Variants in LRRFIP1 observed in about 807,000 individuals in gnomAD.
The protein encoded by LRRFIP1 is leucine-rich repeat flightless-interacting protein 1.
A neutral mutation model predicts 104.4 loss-of-function variants in LRRFIP1; 62 were observed. That is an observed-to-expected ratio of 0.59 (90% CI 0.48 to 0.73). LRRFIP1 has a LOEUF of 0.73. LRRFIP1 is among the 30% of genes least tolerant of loss of function. The pLI is 0.00. For missense variants in LRRFIP1, 796 were observed against 824.5 expected (o/e 0.97, Z 0.42); for synonymous variants, 300 against 299.0 (o/e 1.00, Z -0.03).
intron 20 of LRRFIP1, among the ~76,000 whole-genome samples, chr2:237,771,620 A>G (rs2060656603): frequency 7.6e-6 from 1 of 130,878 alleles, no homozygotes; most frequent in South Asian, 2.6e-4. Flanking sequence ...GAGAGGGGAA[A>G]GCTAGCTAGA....
chr2:237,668,948 CTTTTT>C (rs769425450), intron 1 of LRRFIP1, among the ~76,000 whole-genome samples: 1 of 151,970 alleles, frequency 6.6e-6, no homozygotes, highest in Non-Finnish European at 1.5e-5. Context: ...TTATCTGTGA[CTTTTT>C]TTTAACATAG....
Position 237,735,239 on chromosome 2 carries a change from C to G in LRRFIP1, c.490-29C>G. 1.3e-6 allele frequency: 2 copies of G among 1,599,488 alleles called. No individual in the cohort carries two copies. The highest frequency in any genetic ancestry group is 1.7e-6 in the Non-Finnish European group (2 of 1,169,244). ...GGCACTCTTGGAGAAAGGAAGAGCG[C>G]CCATCCTGACAGTCTCTTTTGGTCG... On this transcript the variant is annotated intron_variant, in intron 9 of 23. Coordinates refer to ENST00000308482, the MANE Select transcript of LRRFIP1 (RefSeq NM_001137550.2). The surrounding 1 kb of genome is among the most constrained non-coding windows in gnomAD (Gnocchi z 4.6).
At chr2:237,673,825 G>A (rs760574935) in intron 1 of LRRFIP1, among the ~76,000 whole-genome samples, 5 of 152,144 alleles carry the variant, frequency 3.3e-5, no homozygotes, top group South Asian at 4.1e-4. Flanking sequence ...AAGCTGACTC[G>A]ATGACGGGCG....
intron 2 of LRRFIP1, 145 bp from the exon 3 acceptor site, chr2:237,714,114 A>T (rs2094226597): frequency 1.8e-6 from 1 of 551,470 alleles, no homozygotes; most frequent in African/African-American, 1.9e-5. Context: ...TGTCAGTGGG[A>T]CCTCACCTGT....
chr2:237,702,654 C>A (rs990644277), intron 1 of LRRFIP1, among the ~76,000 whole-genome samples: 2 of 152,176 alleles, frequency 1.3e-5, no homozygotes, highest in Admixed American at 1.3e-4. Context: ...CCATTTCCTT[C>A]CTTCTTTTCT....
rs890744755 is a variant in LRRFIP1, at chr2:237,633,594, G to A, written c.96+5854G>A. ...TGCCCGTCCCCAGTGAGTGTGAGACGGGAAAGGAGAGAGGGGCGAATGGAG... is the reference window on the plus strand; with the variant it reads ...TGCCCGTCCCCAGTGAGTGTGAGACAGGAAAGGAGAGAGGGGCGAATGGAG... On this transcript the variant is annotated intron_variant, in intron 1 of 23. Coordinates refer to ENST00000308482, the MANE Select transcript of LRRFIP1 (RefSeq NM_001137550.2). 5.3e-5 allele frequency among the ~76,000 whole-genome samples: 8 copies of A among 152,282 alleles called. 1 individual carries two copies. In the South Asian group the frequency reaches 1.5e-3, roughly 28 times the overall value.
At chr2:237,646,532 T>C (rs2084936399) in intron 1 of LRRFIP1, among the ~76,000 whole-genome samples, 1 of 152,072 alleles carries the variant, frequency 6.6e-6, no homozygotes, top group African/African-American at 2.4e-5. Flanking sequence ...TGGGTAAATG[T>C]TTGCCCCCAC....
intron 8 of LRRFIP1, among the ~76,000 whole-genome samples, chr2:237,731,695 T>C (rs2095019900): frequency 6.6e-6 from 1 of 152,226 alleles, no homozygotes; most frequent in Non-Finnish European, 1.5e-5. Flanking sequence ...AAATAAAAGA[T>C]GGCAATAAAT....
chr2:237,692,132 C>CAA (rs1685411827), intron 1 of LRRFIP1: 3 of 946,052 alleles, frequency 3.2e-6, no homozygotes, highest in Admixed American at 1.3e-4. Context: ...GAGGGCCCCT[C>CAA]CGAGGCGGAA....
chr2:237,763,886 C>T (rs760481039), intron 19 of LRRFIP1: 27 of 1,614,196 alleles, frequency 1.7e-5, no homozygotes, highest in African/African-American at 2.7e-5. Context: ...AGACGCAGAT[C>T]GCTGCACCCT....
At chr2:237,689,644 G>A (rs1216901775) in intron 1 of LRRFIP1, among the ~76,000 whole-genome samples, 1 of 152,068 alleles carries the variant, frequency 6.6e-6, no homozygotes, top group Non-Finnish European at 1.5e-5. Flanking sequence ...CTCTTTCCTG[G>A]GCTGCCCACA....
chr2:237,707,759 C>T lies in LRRFIP1; in HGVS notation c.97-785C>T, dbSNP rs1469718588. On this transcript the variant is annotated intron_variant, in intron 1 of 23. Transcript: ENST00000308482. ...CGATAGCATCATGTCCATTCCTGCT[C>T]AAGCATTTGAAACGTTCTCACGGAG... Among the ~76,000 whole-genome samples the T allele has an allele frequency of 2.0e-5, 3 of 152,214 alleles. No homozygotes were observed. In the East Asian group the frequency reaches 5.8e-4, roughly 29 times the overall value.
rs146664458 is a variant in LRRFIP1, at chr2:237,649,592, A to G, written c.96+21852A>G. On this transcript the variant is annotated intron_variant, in intron 1 of 23. Coordinates refer to ENST00000308482, the MANE Select transcript of LRRFIP1 (RefSeq NM_001137550.2). The surrounding 1 kb of genome is among the most constrained non-coding windows in gnomAD (Gnocchi z 4.1). ...GGGTCAGCCTGAGGGCACACCCAATATAACTTTCACAGGTGTTTTGTTTTT... is the reference window on the plus strand; with the variant it reads ...GGGTCAGCCTGAGGGCACACCCAATGTAACTTTCACAGGTGTTTTGTTTTT... Among the ~76,000 whole-genome samples, 7 of 152,158 alleles carry G rather than the reference A, an allele frequency of 4.6e-5. No homozygotes were observed. In the East Asian group the frequency reaches 1.4e-3, roughly 29 times the overall value.
intron 1 of LRRFIP1, among the ~76,000 whole-genome samples, chr2:237,660,666 A>G (rs1053572912): frequency 2.0e-5 from 3 of 152,204 alleles, no homozygotes; most frequent in African/African-American, 7.2e-5. Flanking sequence ...AAATGTGGAA[A>G]CAAACAAATT....
Position 237,673,678 on chromosome 2 carries a change from T to C in LRRFIP1, c.97-34866T>C, listed in dbSNP as rs375195361. On this transcript the variant is annotated intron_variant, in intron 1 of 23. Transcript: ENST00000308482. ...TTTGTGGATGGAATGAATCAATGTG[T>C]GAATGAAGGAAGTCACATTGGCAGC... Among the ~76,000 whole-genome samples the C allele has an allele frequency of 1.8e-3, 269 of 152,286 alleles. 3 individuals carry two copies. The highest frequency in any genetic ancestry group is 6.1e-3 in the African/African-American group (253 of 41,554).
intron 1 of LRRFIP1, among the ~76,000 whole-genome samples, chr2:237,638,572 G>A (rs1374474554): frequency 1.3e-5 from 2 of 152,194 alleles, no homozygotes; most frequent in Non-Finnish European, 2.9e-5. Flanking sequence ...CCAAAGCTGT[G>A]CTGTCTATAG....
intron 11 of LRRFIP1, among the ~76,000 whole-genome samples, chr2:237,742,666 A>AT (rs2150501331): frequency 6.6e-6 from 1 of 152,276 alleles, no homozygotes; most frequent in East Asian, 1.9e-4. Context: ...TTGCTGGTAT[A>AT]TTTTGGATCT....
chr2:237,764,020 AG>A (rs773307720), intron 19 of LRRFIP1: 1 of 1,614,152 alleles, frequency 6.2e-7, no homozygotes, highest in African/African-American at 1.3e-5. Context: ...GCAATAGCCT[AG>A]AGAACGATGA....
intron 10 of LRRFIP1, among the ~76,000 whole-genome samples, chr2:237,737,966 A>G (rs972696133): frequency 1.3e-5 from 2 of 152,218 alleles, no homozygotes; most frequent in African/African-American, 4.8e-5. Flanking sequence ...TTCAATTGAC[A>G]TTTGATGGTT....
Sources: allele counts gnomAD v4.1 joint callset (sites outside exome capture counted in the v4.1 genomes callset), GRCh38; gene constraint gnomAD v4.1.1; non-coding constraint Gnocchi (gnomAD v3.1); transcripts MANE v1.5; gene names NCBI Gene and HGNC (gene_info 2026-07-23, HGNC 2026-07-21).